FAF1: variants seen among roughly 807,000 people sequenced by gnomAD.
The protein encoded by FAF1 is FAS-associated factor 1.
A neutral mutation model predicts 92.5 loss-of-function variants in FAF1; 25 were observed. The ratio of observed to expected loss-of-function variants is 0.27; its 90% confidence interval spans 0.20 to 0.38. FAF1 has a LOEUF of 0.38. Among genes scored for constraint, FAF1 ranks in the 10% least tolerant of loss-of-function variants. The pLI is 1.00. For missense variants in FAF1, 636 were observed against 793.3 expected (o/e 0.80, Z 2.38); for synonymous variants, 234 against 273.2 (o/e 0.86, Z 1.42).
intron 18 of FAF1, chr1:50,461,352 C>G (rs1392456821): frequency 3.3e-5 from 5 of 152,136 alleles, no homozygotes; most frequent in Admixed American, 3.3e-4. Context: ...GTCGTATCTG[C>G]CCTGCCACAC....
intron 3 of FAF1, among the ~76,000 whole-genome samples, chr1:50,796,675 C>T (rs1661763472): frequency 6.6e-6 from 1 of 152,090 alleles, no homozygotes; most frequent in African/African-American, 2.4e-5. Context: ...CCCTGGGCTC[C>T]TTTCCTCGTC....
chr1:50,637,425 C>A (rs12754350), intron 8 of FAF1, among the ~76,000 whole-genome samples: 214 of 151,276 alleles, frequency 1.4e-3, no homozygotes, highest in Admixed American at 2.9e-3. Flanking sequence ...TGCACTCCAG[C>A]CTAGGTGACA....
chr1:50,573,210 T>C (rs1650533567), intron 12 of FAF1, among the ~76,000 whole-genome samples: 1 of 151,966 alleles, frequency 6.6e-6, no homozygotes, highest in Non-Finnish European at 1.5e-5. Context: ...GTGATTCTCC[T>C]GCCTCAGCCT....
chr1:50,590,838 C>A (rs1000444549), intron 9 of FAF1, among the ~76,000 whole-genome samples: 1 of 151,968 alleles, frequency 6.6e-6, no homozygotes. Flanking sequence ...AAAAATTAGC[C>A]AGGTGTGGTG....
chr1:50,959,855 T>G lies in FAF1; in HGVS notation c.-44A>C. The G allele has an allele frequency of 6.8e-7, 1 of 1,473,642 alleles. No individual in the cohort carries two copies. The highest frequency in any genetic ancestry group is 1.3e-5 in the South Asian group (1 of 79,742). The allele number at this position is 1,473,642 out of a possible 1,614,324, so 91.3% of individuals were successfully genotyped here. A position where few individuals can be genotyped will look rare whatever the true frequency, so the allele number is the denominator to read the frequency against. On this transcript the variant is annotated 5_prime_UTR_variant, in exon 1 of 19. Coordinates refer to ENST00000396153, the MANE Select transcript of FAF1 (RefSeq NM_007051.3). ...CGGCTCCGGGAGCGAAGCGCGCACC[T>G]GGGAGGCAGACGGCACCTCCTGCGA...
At chr1:50,773,512 T>G (rs1358883144) in intron 4 of FAF1, among the ~76,000 whole-genome samples, 1 of 152,224 alleles carries the variant, frequency 6.6e-6, no homozygotes, top group Non-Finnish European at 1.5e-5. Context: ...AACAAAATTC[T>G]GTCATTTGCA....
At chr1:50,461,705 T>TCC (rs1422641415) in intron 18 of FAF1, among the ~76,000 whole-genome samples, 3 of 151,920 alleles carry the variant, frequency 2.0e-5, no homozygotes, top group Non-Finnish European at 2.9e-5. Flanking sequence ...AATCTGCTGG[T>TCC]TTGGTAAAAC....
chr1:50,658,214 A>AGAAATTATTACTTTGAAATAATTTCTT (rs1413038520), intron 7 of FAF1, among the ~76,000 whole-genome samples: 80 of 152,326 alleles, frequency 5.3e-4, no homozygotes, highest in South Asian at 3.7e-3. Flanking sequence ...AAAATAATTA[A>AGAAATTATTACTTTGAAATAATTTCTT]GAAATTATTA....
intron 7 of FAF1, 63 bp from the exon 8 acceptor site, chr1:50,655,591 C>A: frequency 1.9e-6 from 2 of 1,036,364 alleles, no homozygotes. Context: ...AGTTTCCAAT[C>A]AATTTATGAG....
At chr1:50,511,140 T>C (rs1445661621) in intron 15 of FAF1, among the ~76,000 whole-genome samples, 2 of 152,216 alleles carry the variant, frequency 1.3e-5, no homozygotes, top group African/African-American at 2.4e-5. Flanking sequence ...AGTAGTCATC[T>C]CTTCACCCTA....
intron 3 of FAF1, among the ~76,000 whole-genome samples, chr1:50,793,334 A>C (rs1048653152): frequency 6.6e-6 from 1 of 152,178 alleles, no homozygotes; most frequent in Admixed American, 6.5e-5. Context: ...ATAAAAAGAA[A>C]ATATCCAGAT....
chr1:50,902,671 T>G (rs1320505141), intron 1 of FAF1, among the ~76,000 whole-genome samples: 1 of 152,218 alleles, frequency 6.6e-6, no homozygotes, highest in Non-Finnish European at 1.5e-5. Context: ...GCAAGTCTCG[T>G]CTATAAAATG....
At chr1:50,631,699 A>G (rs1653797627) in intron 8 of FAF1, among the ~76,000 whole-genome samples, 1 of 152,222 alleles carries the variant, frequency 6.6e-6, no homozygotes, top group Non-Finnish European at 1.5e-5. Flanking sequence ...AACATCTGCT[A>G]GTTTTGCTGC....
chr1:50,767,864 T>A (rs1660637122), intron 4 of FAF1, among the ~76,000 whole-genome samples: 1 of 152,142 alleles, frequency 6.6e-6, no homozygotes, highest in South Asian at 2.1e-4. Flanking sequence ...ACATAGGCCA[T>A]TAGCCCTACA....
chr1:50,822,460 A>G (rs1228263313), intron 2 of FAF1, among the ~76,000 whole-genome samples: 1 of 152,222 alleles, frequency 6.6e-6, no homozygotes, highest in Admixed American at 6.5e-5. Flanking sequence ...GATTTCATTT[A>G]CTGAAACCAA....
chr1:50,824,080 G>C (rs1008137455), intron 2 of FAF1, among the ~76,000 whole-genome samples: 1 of 152,098 alleles, frequency 6.6e-6, no homozygotes, highest in South Asian at 2.1e-4. Context: ...CATATGAAGA[G>C]TGTAAATAAT....
rs869236089 is a variant in FAF1, at chr1:50,438,022, C to CAAAAAAAAAAAAAAAAAAAA, written c.*3398_*3417dup. On this transcript the variant is annotated 3_prime_UTR_variant, in exon 19 of 19. Transcript: ENST00000396153. ...TGAGCGACAGAGCGAGACTCTGTCT[C>CAAAAAAAAAAAAAAAAAAAA]AAAAAAAAAAAAAAAAAAAAAAAAA... 2.4e-5 allele frequency: 1 copy of CAAAAAAAAAAAAAAAAAAAA among 42,188 alleles called. No individual in the cohort carries two copies. Among genetic ancestry groups the CAAAAAAAAAAAAAAAAAAAA allele is most frequent in the Admixed American group, 3.4e-4 (1 of 2,954 alleles). The allele number at this position is 42,188 out of a possible 1,614,324, so 2.6% of individuals were successfully genotyped here. A position where few individuals can be genotyped will look rare whatever the true frequency, so the allele number is the denominator to read the frequency against.
chr1:50,722,136 A>G (rs753785494), intron 6 of FAF1, among the ~76,000 whole-genome samples: 8 of 152,212 alleles, frequency 5.3e-5, no homozygotes, highest in East Asian at 1.9e-4. Flanking sequence ...TTGCTCATCT[A>G]TTCCTGAAAG....
chr1:50,887,242 A>G (rs1292662257), intron 1 of FAF1, among the ~76,000 whole-genome samples: 1 of 152,106 alleles, frequency 6.6e-6, no homozygotes, highest in Non-Finnish European at 1.5e-5. Flanking sequence ...TTTCTTGTAA[A>G]TTTGTTTGAG....
Sources: gnomAD v4.1 joint callset for allele counts (sites outside exome capture counted in the v4.1 genomes callset) on GRCh38, gnomAD v4.1.1 for gene constraint, MANE v1.5 for transcripts, NCBI Gene and HGNC (gene_info 2026-07-23, HGNC 2026-07-21) for gene names.